The following ADRM1 variants were observed in gnomAD, a reference collection of about 807,000 sequenced individuals.
ADRM1 encodes the protein proteasomal ubiquitin receptor ADRM1.
ADRM1 carries 2 observed loss-of-function variants against 40.1 expected under a neutral mutation model. The observed-to-expected ratio is 0.05, with a 90% confidence interval of 0.02 to 0.16. The LOEUF is 0.16. ADRM1 is among the 10% of genes least tolerant of loss of function. The pLI is 1.00. For missense variants in ADRM1, 467 were observed against 552.5 expected (o/e 0.85, Z 1.55); for synonymous variants, 287 against 240.4 (o/e 1.19, Z -1.79).
At chr20:62,304,344 G>A (rs1984575109) in intron 2 of ADRM1, 117 bp from the exon 3 acceptor site, 2 of 790,614 alleles carry the variant, frequency 2.5e-6, no homozygotes, top group Non-Finnish European at 4.2e-6. Context: ...GGGTCTGGCG[G>A]CTTAGCTGCC....
chr20:62,307,448 T>C lies in ADRM1; in HGVS notation c.619T>C (p.Ser207Pro). The C allele has an allele frequency of 1.2e-6, 2 of 1,609,064 alleles. No homozygotes were observed. The highest frequency in any genetic ancestry group is 1.7e-5 in the Admixed American group (1 of 59,740). Reference sequence around the variant, plus strand: ...TGGGCCTCCAGGGAGCAGCTCCTCCTCCAGGTGAGCCTCATCGCTCCTGCC... The same window carrying C: ...TGGGCCTCCAGGGAGCAGCTCCTCCCCCAGGTGAGCCTCATCGCTCCTGCC... ...SSGPPGSSSS[S>P]SSRSQSAAVT... The change falls in exon 6 of 10, where the codon TCC (serine) becomes CCC (proline). Residue 207 changes from serine (S) to proline (P), a missense_variant. Ser to Pro is a moderately conservative substitution (Grantham distance 74). Transcript: ENST00000253003.
upstream of ADRM1, chr20:62,302,913 G>A (rs1984307634): frequency 1.3e-5 from 2 of 152,268 alleles, no homozygotes; most frequent in African/African-American, 2.4e-5. Flanking sequence ...CCGGCTGCGC[G>A]GCTTACGGGG....
At chr20:62,303,911 C>A in intron 2 of ADRM1, 130 bp downstream of exon 2, 1 of 861,554 alleles carries the variant, frequency 1.2e-6, no homozygotes, top group Non-Finnish European at 1.8e-6. Flanking sequence ...GACTGCCCTG[C>A]TGATGGGTCG....
chr20:62,303,584 G>A lies in ADRM1; in HGVS notation c.16G>A (p.Ala6Thr). 3 of 1,584,730 alleles carry A rather than the reference G, an allele frequency of 1.9e-6. No homozygotes were observed. The highest frequency in any genetic ancestry group is 2.6e-6 in the Non-Finnish European group (3 of 1,165,176). MTTSG[A>T]LFPSLVPGSR... ...CGCTTTCAGGATGACGACCTCAGGC[G>A]CGCTCTTTCCAAGCCTGGTGCCAGG... Residue 6 changes from alanine to threonine, a missense_variant, in exon 2 of 10, where the codon GCG becomes ACG. Coordinates refer to ENST00000253003, the MANE Select transcript of ADRM1 (RefSeq NM_007002.4).
chr20:62,306,069 T>A, intron 3 of ADRM1, 128 bp from the exon 4 acceptor site: 1 of 1,295,452 alleles, frequency 7.7e-7, no homozygotes, highest in Non-Finnish European at 1.0e-6. Context: ...CTCCTCAGCA[T>A]TGTGTGGCCA....
At chr20:62,306,790 C>G in intron 5 of ADRM1, 56 bp downstream of exon 5, 1 of 1,462,492 alleles carries the variant, frequency 6.8e-7, no homozygotes, top group Non-Finnish European at 9.3e-7. Context: ...CTTTGAGGCC[C>G]GGTCTCTGTT....
chr20:62,304,271 CT>C, intron 2 of ADRM1, 189 bp from the exon 3 acceptor site: 1 of 584,056 alleles, frequency 1.7e-6, no homozygotes, highest in East Asian at 2.9e-5. Flanking sequence ...CTCCCCCGGC[CT>C]TGCCTTTCAT....
intron 3 of ADRM1, 126 bp from the exon 4 acceptor site, chr20:62,306,071 G>T (rs1035514375): frequency 1.5e-6 from 2 of 1,332,648 alleles, no homozygotes; most frequent in Non-Finnish European, 2.0e-6. Context: ...CCTCAGCATT[G>T]TGTGGCCAGG....
At position 62,308,827 on chromosome 20, in the gene ADRM1, C is replaced by A; in HGVS notation, c.*66C>A. On this transcript the variant is annotated 3_prime_UTR_variant, in exon 10 of 10. Coordinates refer to ENST00000253003, the MANE Select transcript of ADRM1 (RefSeq NM_007002.4). ...GTTGCACACCCTCACCTCCCACCCA[C>A]TGATTATTAATAAAGTCTTTTCTTT... is the stretch of plus-strand genomic sequence containing the variant. 1.9e-6 allele frequency: 3 copies of A among 1,570,232 alleles called. No individual in the cohort carries two copies. Among genetic ancestry groups the A allele is most frequent in the Non-Finnish European group, 2.6e-6 (3 of 1,161,156 alleles).
chr20:62,305,151 G>C (rs1984713149), intron 3 of ADRM1, among the ~76,000 whole-genome samples: 1 of 152,238 alleles, frequency 6.6e-6, no homozygotes, highest in Admixed American at 6.5e-5. Context: ...GTGTTGCAAA[G>C]AATTTCCCGG....
rs572187679 is a variant in ADRM1, at chr20:62,308,559, G to A, written c.1117+89G>A. ...GATCTGCAGAAGTGGGGCTGAGGGG[G>A]TAAAGGTCACAGCCCTTCTGCCCTT... On this transcript the variant is annotated intron_variant, in intron 9 of 9. Transcript: ENST00000253003. 1.3e-5 allele frequency: 21 copies of A among 1,560,058 alleles called. No homozygotes were observed. In the East Asian group the frequency reaches 3.7e-4, roughly 27 times the overall value.
chr20:62,303,821 C>A (rs367833963), intron 2 of ADRM1, 40 bp downstream of exon 2: 2 of 1,588,388 alleles, frequency 1.3e-6, no homozygotes, highest in African/African-American at 1.3e-5. Flanking sequence ...CAGGCGACTT[C>A]TCGGGCCCTC....
At position 62,307,403 on chromosome 20, in the gene ADRM1, G is replaced by A; in HGVS notation, c.574G>A (p.Ala192Thr). Residue 192 changes from alanine (A) to threonine (T), a missense_variant, in exon 6 of 10, where the codon GCC (alanine) becomes ACC (threonine). Coordinates refer to ENST00000253003, the MANE Select transcript of ADRM1 (RefSeq NM_007002.4). ...GLGALTGPGL[A>T]SLLGSSGPPG... ...GGGGGCCCTGACTGGACCTGGCCTG[G>A]CCAGCTTACTGGGGAGCAGTGGGCC... 6.2e-7 allele frequency: 1 copy of A among 1,604,914 alleles called. No homozygotes were observed. Among genetic ancestry groups the A allele is most frequent in the Non-Finnish European group, 8.5e-7 (1 of 1,177,904 alleles).
In ADRM1 at chr20:62,304,603, C is replaced by A. The variant is rs200005440; in HGVS notation, c.330+26C>A. 1,806 of 1,603,082 alleles carry A rather than the reference C, an allele frequency of 1.1e-3. 9 individuals carry two copies. The highest frequency in any genetic ancestry group is 9.3e-4 in the Non-Finnish European group (1,089 of 1,170,294). ...GTATGGGGCAGGCCTTGGGGTTGTG[C>A]CTTTTTGTTGCCCTGCGATTCGGTT... On this transcript the variant is annotated intron_variant, in intron 3 of 9. Transcript: ENST00000253003.
chr20:62,306,752 G>A lies in ADRM1; in HGVS notation c.541+18G>A, dbSNP rs201522418. On this transcript the variant is annotated intron_variant, in intron 5 of 9. Transcript: ENST00000253003. Reference sequence around the variant, plus strand: ...AGGACTGGGTAACGTGCGCCACCCGGGCTCTCGGGCAGCTTCTGCTGGGAA... The same window carrying A: ...AGGACTGGGTAACGTGCGCCACCCGAGCTCTCGGGCAGCTTCTGCTGGGAA... 3 of 1,585,352 alleles carry A rather than the reference G, an allele frequency of 1.9e-6. No individual in the cohort carries two copies. The highest frequency in any genetic ancestry group is 2.7e-5 in the African/African-American group (2 of 74,444).
At position 62,307,385 on chromosome 20, in the gene ADRM1, C is replaced by G; in HGVS notation, c.556C>G (p.Leu186Val). Residue 186 changes from leucine (L) to valine (V), a missense_variant, in exon 6 of 10, where the codon CTG (leucine) becomes GTG (valine). Leu to Val is a conservative substitution (Grantham distance 32). Transcript: ENST00000253003. ...GLGGLGGLGA[L>V]TGPGLASLLG... ...GCCCCTCGCAGGTGGGCTGGGGGCC[C>G]TGACTGGACCTGGCCTGGCCAGCTT... The G allele has an allele frequency of 6.2e-7, 1 of 1,600,884 alleles. No homozygotes were observed. The highest frequency in any genetic ancestry group is 8.5e-7 in the Non-Finnish European group (1 of 1,176,438).
Position 62,308,308 on chromosome 20 carries a change from A to G in ADRM1, c.1015-60A>G. On this transcript the variant is annotated intron_variant, in intron 8 of 9. Transcript: ENST00000253003. ...TGACCCGCAGAGCTGGCAGCTGAGCAGTGTGGCTCTGGGGTGCAGCCCGGG... is the reference window on the plus strand; with the variant it reads ...TGACCCGCAGAGCTGGCAGCTGAGCGGTGTGGCTCTGGGGTGCAGCCCGGG... 2.6e-6 allele frequency: 4 copies of G among 1,549,424 alleles called. No individual in the cohort carries two copies. The South Asian group carries it at 4.7e-5, about 18-fold the overall frequency.
intron 2 of ADRM1, 36 bp from the exon 3 acceptor site, chr20:62,304,425 C>T (rs751642261): frequency 1.3e-6 from 2 of 1,561,888 alleles, no homozygotes; most frequent in Admixed American, 1.7e-5. Context: ...GTGATGCCAT[C>T]TGCGCCACTG....
At chr20:62,306,820 C>T (rs1468847656) in intron 5 of ADRM1, 86 bp downstream of exon 5, 5 of 1,291,808 alleles carry the variant, frequency 3.9e-6, no homozygotes, top group African/African-American at 1.5e-5. Context: ...CTTCTGCTGG[C>T]TCTGTCTGCG....
Sources: allele counts gnomAD v4.1 joint callset (sites outside exome capture counted in the v4.1 genomes callset), GRCh38; gene constraint gnomAD v4.1.1; transcripts MANE v1.5; gene names NCBI Gene and HGNC (gene_info 2026-07-23, HGNC 2026-07-21).